NAA50: variants seen among roughly 807,000 people sequenced by gnomAD.
NAA50 encodes the protein N-alpha-acetyltransferase 50.
A neutral mutation model predicts 20.7 loss-of-function variants in NAA50; 7 were observed. The observed-to-expected ratio is 0.34, with a 90% CI of 0.19 to 0.63. The LOEUF (loss-of-function observed/expected upper bound fraction) is 0.63, where lower values mean the gene tolerates loss of function less well. Among genes scored for constraint, NAA50 ranks in the 30% least tolerant of loss-of-function variants. NAA50 has a pLI of 0.75. For missense variants in NAA50, 111 were observed against 199.1 expected, an observed-to-expected ratio of 0.56 and a Z score of 2.66; for synonymous variants, 54 against 70.6, an observed-to-expected ratio of 0.77 and a Z score of 1.18.
intron 1 of NAA50, among the ~76,000 whole-genome samples, chr3:113,733,069 G>A (rs553574695): frequency 6.8e-6 from 1 of 147,398 alleles, no homozygotes; most frequent in South Asian, 2.1e-4. Context: ...CCATGGTTTA[G>A]CCCTGAGAAT....
At chr3:113,727,337 A>T (rs928544797) in intron 1 of NAA50, among the ~76,000 whole-genome samples, 4 of 152,236 alleles carry the variant, frequency 2.6e-5, no homozygotes, top group African/African-American at 9.6e-5. Context: ...TCAAGCTTCT[A>T]AAGTATAAAT....
At chr3:113,725,318 G>A (rs1226394654) in intron 1 of NAA50, among the ~76,000 whole-genome samples, 3 of 152,132 alleles carry the variant, frequency 2.0e-5, no homozygotes, top group Admixed American at 2.0e-4. Context: ...GTGTTTTGTA[G>A]AGAAAAAGCA....
chr3:113,723,572 GA>G, intron 2 of NAA50, 31 bp from the exon 3 acceptor site: 1 of 1,577,704 alleles, frequency 6.3e-7, no homozygotes, highest in Non-Finnish European at 8.6e-7. Context: ...ATATAATGTT[GA>G]ACAGACAGAA....
chr3:113,725,922 G>T (rs890575520), intron 1 of NAA50, among the ~76,000 whole-genome samples: 1 of 152,116 alleles, frequency 6.6e-6, no homozygotes. Flanking sequence ...TACTTGGTAA[G>T]GAGTTAGAGG....
chr3:113,722,892 A>C lies in NAA50; in HGVS notation c.332+14T>G, dbSNP rs140795385. The C allele has an allele frequency of 4.4e-4, 668 of 1,516,686 alleles. 3 individuals are homozygous for C. In the African/African-American group the frequency reaches 8.6e-3, roughly 20 times the overall value. The allele number at this position is 1,516,686 out of a possible 1,614,324, so 94.0% of individuals were successfully genotyped here. A position where few individuals can be genotyped will look rare whatever the true frequency, so the allele number is the denominator to read the frequency against. On this transcript the variant is annotated intron_variant, in intron 4 of 4. Transcript: ENST00000240922. ...AACCCCTTTGATAAGAACATTAAATATTATTTTACTTACAGATAAATGTTG... is the reference window on the plus strand; with the variant it reads ...AACCCCTTTGATAAGAACATTAAATCTTATTTTACTTACAGATAAATGTTG...
In NAA50 at chr3:113,722,944, G is replaced by T; in HGVS notation, c.294C>A (p.Asn98Lys). 1 of 1,542,012 alleles carries T rather than the reference G, an allele frequency of 6.5e-7. No individual in the cohort carries two copies. Among genetic ancestry groups the T allele is most frequent in the Non-Finnish European group, 8.8e-7 (1 of 1,135,144 alleles). The change falls in exon 4 of 5, where the codon AAC (asparagine) becomes AAA (lysine). Residue 98 changes from asparagine to lysine, a missense_variant. Coordinates refer to ENST00000240922, the MANE Select transcript of NAA50 (RefSeq NM_025146.4). ...CAAAAGTACCATCTTTTTCACAGAT[G>T]TTTAAGACATGATTTAACATTTTAG... is the stretch of plus-strand genomic sequence containing the variant. ...IGTKMLNHVL[N>K]ICEKDGTFDN...
chr3:113,722,115 A>G (rs1177300159), intron 4 of NAA50, among the ~76,000 whole-genome samples, 178 bp from the exon 5 acceptor site: 2 of 152,120 alleles, frequency 1.3e-5, no homozygotes, highest in Non-Finnish European at 2.9e-5. Context: ...TTTTAATCTA[A>G]TTTTTACATT....
rs1708052330 is a variant in NAA50 at position 113,716,606 on chromosome 3, A to C, written c.*5154T>G. The C allele has an allele frequency of 6.6e-6, 1 of 152,242 alleles. No individual in the cohort carries two copies. The highest frequency in any genetic ancestry group is 1.5e-5 in the Non-Finnish European group (1 of 68,040). 9.4% of individuals were successfully genotyped at this position (152,242 alleles called of 1,614,324 possible). Reference sequence around the variant, plus strand: ...TAGACAAGTTCAGTATGGACAAAGAAACAAAGAAAAGCATTATAATCAGAT... The same window carrying C: ...TAGACAAGTTCAGTATGGACAAAGACACAAAGAAAAGCATTATAATCAGAT... On this transcript the variant is annotated 3_prime_UTR_variant, in exon 5 of 5. Coordinates refer to ENST00000240922, the MANE Select transcript of NAA50 (RefSeq NM_025146.4).
At chr3:113,727,091 C>G (rs930848109) in intron 1 of NAA50, among the ~76,000 whole-genome samples, 2 of 152,330 alleles carry the variant, frequency 1.3e-5, no homozygotes, top group African/African-American at 4.8e-5. Flanking sequence ...TGTGCCTGGC[C>G]AAAATATAGG....
At position 113,746,238 on chromosome 3, in the gene NAA50, C is replaced by G; in HGVS notation, c.-289G>C. ...GCCGCCAGCCAGACCCGCTGCCGCG[C>G]TGTGACCTTTCACCCCGCCCCTCGC... On this transcript the variant is annotated 5_prime_UTR_variant, in exon 1 of 5. Coordinates refer to ENST00000240922, the MANE Select transcript of NAA50 (RefSeq NM_025146.4). 4.7e-6 allele frequency: 2 copies of G among 427,836 alleles called. No homozygotes were observed. The highest frequency in any genetic ancestry group is 4.8e-5 in the Admixed American group (1 of 20,838). 26.5% of individuals were successfully genotyped at this position (427,836 alleles called of 1,614,324 possible). A position where few individuals can be genotyped will look rare whatever the true frequency, so the allele number is the denominator to read the frequency against.
intron 1 of NAA50, among the ~76,000 whole-genome samples, chr3:113,730,864 C>T (rs1387154773): frequency 6.6e-6 from 1 of 152,162 alleles, no homozygotes; most frequent in Non-Finnish European, 1.5e-5. Context: ...TAGGTAACTG[C>T]AAGTAAAATT....
At chr3:113,730,589 C>T (rs572832087) in intron 1 of NAA50, among the ~76,000 whole-genome samples, 1 of 152,290 alleles carries the variant, frequency 6.6e-6, no homozygotes, top group Non-Finnish European at 1.5e-5. Flanking sequence ...CAAAACCTCC[C>T]ACATGACCCT....
intron 1 of NAA50, among the ~76,000 whole-genome samples, chr3:113,730,048 C>T (rs1383464082): frequency 2.0e-5 from 3 of 151,986 alleles, no homozygotes; most frequent in Non-Finnish European, 2.9e-5. Flanking sequence ...ACCTGCAATC[C>T]CAGCACTTTG....
chr3:113,731,843 C>A (rs143151321), intron 1 of NAA50, among the ~76,000 whole-genome samples: 1 of 152,082 alleles, frequency 6.6e-6, no homozygotes, highest in Middle Eastern at 3.2e-3. Flanking sequence ...ATAGTTTATA[C>A]CACATTTTGT....
intron 1 of NAA50, among the ~76,000 whole-genome samples, chr3:113,739,012 A>G (rs966068642): frequency 5.9e-5 from 9 of 152,198 alleles, no homozygotes; most frequent in African/African-American, 2.2e-4. Flanking sequence ...GGTAAGTTAT[A>G]AACAACTTAC....
At position 113,723,878 on chromosome 3, in the gene NAA50, T is replaced by A. The variant is rs558829443; in HGVS notation, c.145+81A>T. Reference sequence around the variant, plus strand: ...AAATAAACAAACTAAATTAGTTAACTTCTTCTGCTCTATAAAAAACTAGGG... The same window carrying A: ...AAATAAACAAACTAAATTAGTTAACATCTTCTGCTCTATAAAAAACTAGGG... On this transcript the variant is annotated intron_variant, in intron 2 of 4. Coordinates refer to ENST00000240922, the MANE Select transcript of NAA50 (RefSeq NM_025146.4). 40 of 1,398,474 alleles carry A rather than the reference T, an allele frequency of 2.9e-5. 1 individual carries two copies. The South Asian group carries it at 2.9e-4, about 10-fold the overall frequency. 86.6% of individuals were successfully genotyped at this position (1,398,474 alleles called of 1,614,324 possible).
At chr3:113,722,567 A>C (rs1182258314) in intron 4 of NAA50, among the ~76,000 whole-genome samples, 1 of 152,160 alleles carries the variant, frequency 6.6e-6, no homozygotes, top group Non-Finnish European at 1.5e-5. Context: ...AAAGCTATCA[A>C]CATAGCCTTG....
chr3:113,733,135 G>C (rs186028126), intron 1 of NAA50, among the ~76,000 whole-genome samples: 1 of 150,498 alleles, frequency 6.6e-6, no homozygotes, highest in East Asian at 1.9e-4. Context: ...TGGATTGCTT[G>C]TCTTAGTGAG....
chr3:113,717,798 A>C lies in NAA50; in HGVS notation c.*3962T>G, dbSNP rs1708076918. Reference sequence around the variant, plus strand: ...TTTCTTTTATATCCCGAATAACTGTAAAGTGCAGTGCTTTATAACCCTCAT... The same window carrying C: ...TTTCTTTTATATCCCGAATAACTGTCAAGTGCAGTGCTTTATAACCCTCAT... On this transcript the variant is annotated 3_prime_UTR_variant, in exon 5 of 5. Transcript: ENST00000240922. 1 of 152,198 alleles carries C rather than the reference A, an allele frequency of 6.6e-6. No individual in the cohort carries two copies. The highest frequency in any genetic ancestry group is 6.5e-5 in the Admixed American group (1 of 15,276). The allele number at this position is 152,198 out of a possible 1,614,324, so 9.4% of individuals were successfully genotyped here.
Sources: gnomAD v4.1 joint callset for allele counts (sites outside exome capture counted in the v4.1 genomes callset) on GRCh38, gnomAD v4.1.1 for gene constraint, MANE v1.5 for transcripts, NCBI Gene and HGNC (gene_info 2026-07-23, HGNC 2026-07-21) for gene names.